Variants in UVRAG observed in about 807,000 individuals in gnomAD.
UVRAG encodes the protein UV radiation resistance-associated gene protein.
A neutral mutation model predicts 78.0 loss-of-function variants in UVRAG; 19 were observed. The observed-to-expected ratio is 0.24, with a 90% CI of 0.17 to 0.36. The LOEUF is 0.36. Among genes scored for constraint, UVRAG ranks in the 10% least tolerant of loss-of-function variants. The probability of loss-of-function intolerance (pLI) is 1.00; values close to 1 mark genes in which losing one functional copy is unlikely to be tolerated. For missense variants in UVRAG, 740 were observed against 853.8 expected (o/e 0.87, Z 1.66); for synonymous variants, 323 against 324.6 (o/e 1.00, Z 0.05).
chr11:76,073,923 A>G (rs1189318371), intron 13 of UVRAG, among the ~76,000 whole-genome samples: 1 of 152,210 alleles, frequency 6.6e-6, no homozygotes, highest in African/African-American at 2.4e-5. Flanking sequence ...CAATGAGTGC[A>G]GAAGACAATG....
chr11:75,902,593 G>C (rs2134993024), intron 5 of UVRAG, among the ~76,000 whole-genome samples: 1 of 152,084 alleles, frequency 6.6e-6, no homozygotes, highest in East Asian at 1.9e-4. Flanking sequence ...TTCTCTCCAA[G>C]GTTGCTTTCT....
At chr11:76,125,623 C>T (rs1444307901) in intron 14 of UVRAG, among the ~76,000 whole-genome samples, 1 of 152,156 alleles carries the variant, frequency 6.6e-6, no homozygotes, top group Non-Finnish European at 1.5e-5. Flanking sequence ...TTGGGTATCC[C>T]GGCGCCGCCT....
At chr11:75,819,423 C>T (rs1478233107) in intron 1 of UVRAG, among the ~76,000 whole-genome samples, 2 of 152,142 alleles carry the variant, frequency 1.3e-5, no homozygotes, top group Admixed American at 6.5e-5. Flanking sequence ...TCTCCTCTCA[C>T]TGCAACCTGC....
chr11:76,036,000 G>A (rs1373094064), intron 12 of UVRAG, among the ~76,000 whole-genome samples: 1 of 152,160 alleles, frequency 6.6e-6, no homozygotes, highest in African/African-American at 2.4e-5. Context: ...AATAAGGTTG[G>A]TTCATAGGTG....
At chr11:75,827,238 T>C (rs1236378921) in intron 1 of UVRAG, among the ~76,000 whole-genome samples, 2 of 152,198 alleles carry the variant, frequency 1.3e-5, no homozygotes, top group East Asian at 3.9e-4. Context: ...TTTTATACTC[T>C]TTAACATGAG....
intron 6 of UVRAG, among the ~76,000 whole-genome samples, chr11:75,943,318 T>TTA (rs1555092128): frequency 3.3e-5 from 5 of 150,812 alleles, no homozygotes; most frequent in African/African-American, 1.2e-4. Flanking sequence ...TTTTTTTTTT[T>TTA]AAATTTATTG....
In UVRAG at chr11:75,926,214, G is replaced by A. The variant is rs117245803; in HGVS notation, c.593+14175G>A. ...GAGGAGGTCTTAATGGTTTACTATT[G>A]AGGAGTGTCTCTGACTCTATGACCA... On this transcript the variant is annotated intron_variant, in intron 6 of 14. Coordinates refer to ENST00000356136, the MANE Select transcript of UVRAG (RefSeq NM_003369.4). Among the ~76,000 whole-genome samples the A allele has an allele frequency of 1.6e-3, 242 of 152,248 alleles. 6 individuals carry two copies. In the East Asian group the frequency reaches 0.033, roughly 21 times the overall value.
intron 6 of UVRAG, among the ~76,000 whole-genome samples, chr11:75,917,280 C>G (rs1947876154): frequency 6.6e-6 from 1 of 152,128 alleles, no homozygotes; most frequent in Non-Finnish European, 1.5e-5. Context: ...TTCAAAGTTG[C>G]TTTTGTTAAT....
At chr11:75,992,701 T>C (rs553643178) in intron 8 of UVRAG, among the ~76,000 whole-genome samples, 2 of 152,224 alleles carry the variant, frequency 1.3e-5, no homozygotes, top group Non-Finnish European at 2.9e-5. Flanking sequence ...AGATACGTAC[T>C]TGTTCTTCAA....
intron 4 of UVRAG, among the ~76,000 whole-genome samples, chr11:75,884,154 A>C (rs890863599): frequency 2.0e-5 from 3 of 151,516 alleles, no homozygotes; most frequent in African/African-American, 7.3e-5. Flanking sequence ...TTTAATTTGA[A>C]TTTTCCTAAT....
At chr11:76,052,056 C>T (rs1387125004) in intron 12 of UVRAG, among the ~76,000 whole-genome samples, 1 of 152,226 alleles carries the variant, frequency 6.6e-6, no homozygotes, top group African/African-American at 2.4e-5. Context: ...AGGGCCTTTA[C>T]ACAAGCTGCT....
At chr11:76,030,393 T>C (rs1950413979) in intron 12 of UVRAG, among the ~76,000 whole-genome samples, 1 of 152,156 alleles carries the variant, frequency 6.6e-6, no homozygotes, top group African/African-American at 2.4e-5. Context: ...AGTGTATGTC[T>C]GTACTTCAAA....
At chr11:76,082,400 C>T (rs1430315597) in intron 13 of UVRAG, among the ~76,000 whole-genome samples, 2 of 151,792 alleles carry the variant, frequency 1.3e-5, no homozygotes, top group Non-Finnish European at 2.9e-5. Flanking sequence ...ATTAGCCAGG[C>T]GTGGTGTCGG....
At chr11:75,913,599 A>T (rs530379565) in intron 6 of UVRAG, among the ~76,000 whole-genome samples, 7 of 152,224 alleles carry the variant, frequency 4.6e-5, no homozygotes, top group African/African-American at 1.7e-4. Context: ...TGCATCAGGG[A>T]TGATAGATAG....
At chr11:76,014,647 G>A (rs1277780123) in intron 11 of UVRAG, among the ~76,000 whole-genome samples, 2 of 152,198 alleles carry the variant, frequency 1.3e-5, no homozygotes, top group African/African-American at 4.8e-5. Flanking sequence ...CTGGAGGATT[G>A]TGGACACAAT....
At chr11:75,878,732 G>C (rs1417050327) in intron 3 of UVRAG, among the ~76,000 whole-genome samples, 1 of 152,194 alleles carries the variant, frequency 6.6e-6, no homozygotes, top group African/African-American at 2.4e-5. Flanking sequence ...GTGGCGGCGC[G>C]CGCCTGCAAT....
intron 7 of UVRAG, among the ~76,000 whole-genome samples, chr11:75,968,880 G>T (rs1949074796): frequency 6.6e-6 from 1 of 152,090 alleles, no homozygotes; most frequent in African/African-American, 2.4e-5. Flanking sequence ...AACACCTTAG[G>T]CTTCTTGATT....
chr11:75,834,026 G>T (rs927568694), intron 1 of UVRAG, among the ~76,000 whole-genome samples: 1 of 152,146 alleles, frequency 6.6e-6, no homozygotes, highest in Non-Finnish European at 1.5e-5. Flanking sequence ...ATTTTGGGGG[G>T]CCTGTTCCCA....
chr11:75,928,524 G>A (rs1948160942), intron 6 of UVRAG, among the ~76,000 whole-genome samples: 2 of 152,088 alleles, frequency 1.3e-5, no homozygotes, highest in Admixed American at 1.3e-4. Flanking sequence ...CAGAAATTTG[G>A]GAGGCTGAAG....
Sources: gnomAD v4.1 joint callset for allele counts (sites outside exome capture counted in the v4.1 genomes callset) on GRCh38, gnomAD v4.1.1 for gene constraint, MANE v1.5 for transcripts, NCBI Gene and HGNC (gene_info 2026-07-23, HGNC 2026-07-21) for gene names.